The following HIP1 variants were observed in gnomAD, a reference collection of about 807,000 sequenced individuals.
The protein encoded by HIP1 is huntingtin interacting protein 1.
Under a neutral mutation model 147.6 loss-of-function variants are expected in HIP1, and 65 were observed. The ratio of observed to expected loss-of-function variants is 0.44; its 90% CI spans 0.36 to 0.54. The LOEUF (loss-of-function observed/expected upper bound fraction) is 0.54. Among genes scored for constraint, HIP1 ranks in the 20% least tolerant of loss-of-function variants. HIP1 has a pLI of 0.00. For synonymous variants in HIP1, 479 were observed against 504.0 expected (o/e 0.95, Z 0.67); for missense variants, 1,061 against 1,299.6 (o/e 0.82, Z 2.82).
intron 28 of HIP1, among the ~76,000 whole-genome samples, chr7:75,542,225 G>A (rs1033580543): frequency 3.9e-5 from 6 of 152,110 alleles, no homozygotes; most frequent in South Asian, 2.1e-4. Flanking sequence ...GTGAAACCCC[G>A]TCTTTACTAA....
At chr7:75,546,844 A>G (rs1231225007) in intron 25 of HIP1, 95 bp downstream of exon 25, 5 of 863,166 alleles carry the variant, frequency 5.8e-6, no homozygotes, top group Non-Finnish European at 9.3e-6. Context: ...TCAGGTGGAC[A>G]CACAGAGTAA....
intron 2 of HIP1, among the ~76,000 whole-genome samples, chr7:75,595,137 T>TA (rs1428576307): frequency 2.0e-5 from 3 of 152,168 alleles, no homozygotes; most frequent in Non-Finnish European, 4.4e-5. Context: ...GGGGTGGGCT[T>TA]AAACAGATGT....
chr7:75,733,966 C>A (rs1584989392), intron 1 of HIP1, among the ~76,000 whole-genome samples: 1 of 152,038 alleles, frequency 6.6e-6, no homozygotes, highest in Non-Finnish European at 1.5e-5. Context: ...AAATTCTAGG[C>A]CAGGAACGAT....
chr7:75,614,331 C>T (rs587633849), intron 1 of HIP1, among the ~76,000 whole-genome samples: 2 of 152,176 alleles, frequency 1.3e-5, no homozygotes, highest in East Asian at 1.9e-4. Context: ...ATGAGCCATG[C>T]GCTGGGCCCT....
chr7:75,705,637 G>A (rs1800967850), intron 1 of HIP1, among the ~76,000 whole-genome samples: 2 of 151,852 alleles, frequency 1.3e-5, no homozygotes, highest in African/African-American at 4.8e-5. Flanking sequence ...TTATAGACGT[G>A]AGCCACCACG....
chr7:75,701,897 G>T (rs1255047232), intron 1 of HIP1, among the ~76,000 whole-genome samples: 7 of 151,856 alleles, frequency 4.6e-5, no homozygotes, highest in African/African-American at 1.5e-4. Flanking sequence ...ACTCTGCCAG[G>T]TATGGCTGTC....
At chr7:75,728,634 G>C (rs1378267035) in intron 1 of HIP1, among the ~76,000 whole-genome samples, 2 of 151,740 alleles carry the variant, frequency 1.3e-5, no homozygotes, top group African/African-American at 4.8e-5. Flanking sequence ...CAGTGCCCAA[G>C]TGGGGCAGGG....
chr7:75,559,637 C>T, intron 14 of HIP1, 95 bp downstream of exon 14: 1 of 1,010,950 alleles, frequency 9.9e-7, no homozygotes. Flanking sequence ...TCTGGGTCTC[C>T]CCCACCCAGC....
rs1795760068 is a variant in HIP1 at position 75,574,327 on chromosome 7, G to A, written c.605-426C>T. On this transcript the variant is annotated intron_variant, in intron 7 of 30. Transcript: ENST00000336926. Reference sequence around the variant, plus strand: ...GTTTTGGCAGGGTGTGGTGGCTCACGCCTGTAATCCCAGCACTTTAGGAGG... The same window carrying A: ...GTTTTGGCAGGGTGTGGTGGCTCACACCTGTAATCCCAGCACTTTAGGAGG... Among the ~76,000 whole-genome samples, 3 of 151,890 alleles carry A rather than the reference G, an allele frequency of 2.0e-5. 1 individual carries two copies. In the South Asian group the frequency reaches 6.2e-4, roughly 31 times the overall value.
At chr7:75,687,945 T>C (rs1274431403) in intron 1 of HIP1, among the ~76,000 whole-genome samples, 2 of 152,120 alleles carry the variant, frequency 1.3e-5, no homozygotes, top group African/African-American at 4.8e-5. Context: ...CGCTGGATTT[T>C]CTCTCTTGAG....
intron 25 of HIP1, among the ~76,000 whole-genome samples, chr7:75,545,444 C>T (rs1167470046): frequency 8.6e-5 from 13 of 150,674 alleles, no homozygotes; most frequent in Non-Finnish European, 1.5e-5. Flanking sequence ...GAGTTCAAGA[C>T]CAGCTTGGGC....
At chr7:75,565,229 T>C (rs1554495307) in intron 9 of HIP1, among the ~76,000 whole-genome samples, 1 of 152,032 alleles carries the variant, frequency 6.6e-6, no homozygotes. Flanking sequence ...GACAGTGAGG[T>C]CTCAGACAGC....
chr7:75,669,177 A>G (rs985662258), intron 1 of HIP1, among the ~76,000 whole-genome samples: 34 of 151,264 alleles, frequency 2.2e-4, no homozygotes, highest in Admixed American at 8.0e-4. Context: ...CATCCTGGCT[A>G]ACATGGTGAA....
intron 1 of HIP1, among the ~76,000 whole-genome samples, chr7:75,684,373 G>A (rs537766298): frequency 1.1e-4 from 16 of 150,254 alleles, no homozygotes; most frequent in Non-Finnish European, 2.1e-4. Flanking sequence ...GTTTGAACCC[G>A]GGAGGCAGAG....
chr7:75,543,515 C>G (rs1432073935), intron 27 of HIP1, among the ~76,000 whole-genome samples: 2 of 152,050 alleles, frequency 1.3e-5, no homozygotes, highest in African/African-American at 4.8e-5. Context: ...CCACACCCGG[C>G]TAATTTTTTG....
chr7:75,696,512 CTCCCCTCCCCTCCCT>C (rs1384120380), intron 1 of HIP1, among the ~76,000 whole-genome samples: 1 of 118,754 alleles, frequency 8.4e-6, no homozygotes, highest in Non-Finnish European at 1.8e-5. Context: ...TTCCCTTCTC[CTCCCCTCCCCTCCCT>C]TCCCCTCCCC....
At chr7:75,696,269 T>C (rs896736845) in intron 1 of HIP1, among the ~76,000 whole-genome samples, 2 of 152,172 alleles carry the variant, frequency 1.3e-5, no homozygotes, top group East Asian at 3.9e-4. Context: ...ATTACAGGTG[T>C]GAGCCACCAT....
At chr7:75,690,090 T>C (rs994250847) in intron 1 of HIP1, among the ~76,000 whole-genome samples, 2 of 152,022 alleles carry the variant, frequency 1.3e-5, no homozygotes, top group African/African-American at 2.4e-5. Flanking sequence ...ATGGGCAACA[T>C]GGCAAAACCC....
Position 75,738,796 on chromosome 7 carries a change from C to T in HIP1, c.120+5G>A. The T allele has an allele frequency of 6.2e-7, 1 of 1,601,904 alleles. No individual in the cohort carries two copies. The highest frequency in any genetic ancestry group is 8.5e-7 in the Non-Finnish European group (1 of 1,176,096). ...CAGGGATGCCCCGGGGTCCCCCGTC[C>T]TCACCTGAGTCCGCTCGAAGCTCTC... is the stretch of plus-strand genomic sequence containing the variant. On this transcript the variant is annotated splice_donor_5th_base_variant and intron_variant, in intron 1 of 30. Coordinates refer to ENST00000336926, the MANE Select transcript of HIP1 (RefSeq NM_005338.7).
Sources: gnomAD v4.1 joint callset for allele counts (sites outside exome capture counted in the v4.1 genomes callset) on GRCh38, gnomAD v4.1.1 for gene constraint, MANE v1.5 for transcripts, NCBI Gene and HGNC (gene_info 2026-07-23, HGNC 2026-07-21) for gene names.